Variants in GNPTAB observed in about 807,000 individuals in gnomAD.
GNPTAB encodes the protein N-acetylglucosamine-1-phosphate transferase subunits alpha and beta, also known as N-acetylglucosamine-1-phosphotransferase subunits alpha/beta.
In GNPTAB, 92 loss-of-function variants were observed where a neutral mutation model predicts 136.6. That is an observed-to-expected ratio of 0.67 (90% confidence interval 0.57 to 0.80). The LOEUF is 0.80. Among genes scored for constraint, GNPTAB ranks in the 30% least tolerant of loss-of-function variants. GNPTAB has a pLI of 0.00. For missense variants in GNPTAB, 1,343 were observed against 1,501.8 expected, an observed-to-expected ratio of 0.89 and a Z score of 1.75; for synonymous variants, 512 against 535.1, an observed-to-expected ratio of 0.96 and a Z score of 0.60.
At chr12:101,781,867 T>C (rs1039895940) in intron 5 of GNPTAB, among the ~76,000 whole-genome samples, 5 of 152,238 alleles carry the variant, frequency 3.3e-5, no homozygotes, top group Admixed American at 1.3e-4. Flanking sequence ...ACCTGGTATA[T>C]GTATTTGTAA....
At chr12:101,823,504 G>C (rs1870919578) in intron 1 of GNPTAB, among the ~76,000 whole-genome samples, 1 of 151,746 alleles carries the variant, frequency 6.6e-6, no homozygotes, top group Non-Finnish European at 1.5e-5. Context: ...CAGCTACTCG[G>C]GAGGCTGACA....
At chr12:101,786,765 C>T (rs1012165792) in intron 4 of GNPTAB, among the ~76,000 whole-genome samples, 1 of 152,118 alleles carries the variant, frequency 6.6e-6, no homozygotes, top group African/African-American at 2.4e-5. Context: ...CCTGAATAAA[C>T]AAATGGATGG....
chr12:101,811,067 G>T (rs574540818), intron 1 of GNPTAB, among the ~76,000 whole-genome samples: 1 of 152,180 alleles, frequency 6.6e-6, no homozygotes, highest in Non-Finnish European at 1.5e-5. Context: ...AACCAGGTTC[G>T]CTGGCTGGTC....
intron 1 of GNPTAB, among the ~76,000 whole-genome samples, chr12:101,807,747 C>A (rs142606802): frequency 2.6e-5 from 4 of 151,958 alleles, no homozygotes; most frequent in Non-Finnish European, 5.9e-5. Flanking sequence ...CTGGCCAACA[C>A]GGTGAAACTC....
At chr12:101,826,845 G>T (rs183063306) in intron 1 of GNPTAB, among the ~76,000 whole-genome samples, 1 of 151,736 alleles carries the variant, frequency 6.6e-6, no homozygotes, top group Admixed American at 6.6e-5. Context: ...ACCATTTGTG[G>T]AGCTAACTAA....
chr12:101,761,885 A>AG, intron 13 of GNPTAB, 122 bp from the exon 14 acceptor site: 1 of 766,322 alleles, frequency 1.3e-6, no homozygotes, highest in Non-Finnish European at 2.3e-6. Context: ...GAGCAAATGA[A>AG]ATACATGTTA....
At chr12:101,795,815 C>A (rs1307887665) in intron 2 of GNPTAB, 1 of 154,536 alleles carries the variant, frequency 6.5e-6, no homozygotes, top group African/African-American at 2.4e-5. Context: ...GAAATTACTA[C>A]ATTTTCTAAA....
rs562940893 is a variant in GNPTAB at position 101,746,972 on chromosome 12, C to G, written c.*192G>C. 1 of 595,744 alleles carries G rather than the reference C, an allele frequency of 1.7e-6. No homozygotes were observed. Among genetic ancestry groups the G allele is most frequent in the Non-Finnish European group, 3.0e-6 (1 of 330,062 alleles). The allele number at this position is 595,744 out of a possible 1,614,324, so 36.9% of individuals were successfully genotyped here. ...AATCAGTTCAGAGCTGCTCAACACA[C>G]AAGTTTTCAGTGGGTTGGTTAAATA... On this transcript the variant is annotated 3_prime_UTR_variant, in exon 21 of 21. Coordinates refer to ENST00000299314, the MANE Select transcript of GNPTAB (RefSeq NM_024312.5).
At chr12:101,809,996 A>G (rs1255235685) in intron 1 of GNPTAB, among the ~76,000 whole-genome samples, 1 of 152,218 alleles carries the variant, frequency 6.6e-6, no homozygotes, top group Non-Finnish European at 1.5e-5. Flanking sequence ...TAGGGGAAAC[A>G]GGCCAGGTAT....
intron 7 of GNPTAB, chr12:101,773,181 CT>C: frequency 4.1e-6 from 1 of 244,820 alleles, no homozygotes; most frequent in Non-Finnish European, 8.2e-6. Context: ...TTCTAGATCA[CT>C]TTCCTCACTT....
At chr12:101,793,992 C>T (rs1869138171) in intron 2 of GNPTAB, among the ~76,000 whole-genome samples, 1 of 152,112 alleles carries the variant, frequency 6.6e-6, no homozygotes, top group Non-Finnish European at 1.5e-5. Flanking sequence ...TATAGGCAAC[C>T]ACCACCGCCC....
At chr12:101,775,614 C>T (rs1378596058) in intron 7 of GNPTAB, among the ~76,000 whole-genome samples, 11 of 152,044 alleles carry the variant, frequency 7.2e-5, no homozygotes, top group South Asian at 2.1e-4. Flanking sequence ...CTGCCCGCCT[C>T]GGCCTCTCAA....
intron 1 of GNPTAB, among the ~76,000 whole-genome samples, chr12:101,818,020 C>A (rs1870594679): frequency 6.6e-6 from 1 of 152,212 alleles, no homozygotes; most frequent in Non-Finnish European, 1.5e-5. Context: ...TAGTACCACC[C>A]AGCAGGCAAG....
At chr12:101,771,203 GGA>G in intron 7 of GNPTAB, 46 bp from the exon 8 acceptor site, 5 of 1,508,694 alleles carry the variant, frequency 3.3e-6, no homozygotes, top group Non-Finnish European at 4.6e-6. Flanking sequence ...TGAATCTCAA[GGA>G]TGAAGCACCT....
intron 7 of GNPTAB, chr12:101,778,576 A>G (rs1471952003): frequency 6.6e-6 from 1 of 152,254 alleles, no homozygotes; most frequent in Non-Finnish European, 1.5e-5. Context: ...CAACTCTAAT[A>G]TAGCCAGGCA....
At chr12:101,824,433 T>TATATATATATATATATATA (rs1423746036) in intron 1 of GNPTAB, among the ~76,000 whole-genome samples, 56 of 90,596 alleles carry the variant, frequency 6.2e-4, no homozygotes, top group South Asian at 1.6e-3. Context: ...TATATATATA[T>TATATATATATATATATATA]TTTCTTTTTT....
At chr12:101,816,920 G>A (rs1027185099) in intron 1 of GNPTAB, among the ~76,000 whole-genome samples, 4 of 152,210 alleles carry the variant, frequency 2.6e-5, no homozygotes, top group African/African-American at 9.6e-5. Flanking sequence ...AGGACATGAT[G>A]TGAAGTAAAA....
intron 5 of GNPTAB, among the ~76,000 whole-genome samples, chr12:101,785,046 C>A (rs145124881): frequency 1.3e-5 from 2 of 152,154 alleles, no homozygotes; most frequent in African/African-American, 4.8e-5. Context: ...CTGCCCAAAT[C>A]ATCTGTTGTC....
rs375786656 is a variant in GNPTAB at position 101,765,169 on chromosome 12, T to C, written c.1748A>G (p.Asn583Ser). The C allele has an allele frequency of 5.0e-6, 8 of 1,614,076 alleles. No individual in the cohort carries two copies. In the African/African-American group the frequency reaches 8.0e-5, roughly 16 times the overall value. The change falls in exon 13 of 21, where the codon AAT becomes AGT. Residue 583 changes from asparagine to serine, a missense_variant. Coordinates refer to ENST00000299314, the MANE Select transcript of GNPTAB (RefSeq NM_024312.5). ...AATAGAAGCATGTCGAATTATTGGA[T>C]TGTCACTATAGGCACCTTCAACTCC... The part of the protein sequence containing the change: ...KRGVEGAYSD[N>S]PIIRHASIAN...
Sources: gnomAD v4.1 joint callset for allele counts (sites outside exome capture counted in the v4.1 genomes callset) on GRCh38, gnomAD v4.1.1 for gene constraint, MANE v1.5 for transcripts, NCBI Gene and HGNC (gene_info 2026-07-23, HGNC 2026-07-21) for gene names.